DENND4C: variants seen among roughly 807,000 people sequenced by gnomAD.
The protein encoded by DENND4C is DENN domain containing 4C.
In DENND4C, 108 loss-of-function variants were observed where a neutral mutation model predicts 203.0. The observed-to-expected ratio is 0.53, with a 90% CI of 0.46 to 0.62. DENND4C has a LOEUF of 0.62. Among genes scored for constraint, DENND4C ranks in the 20% least tolerant of loss-of-function variants. The probability of loss-of-function intolerance (pLI) is 0.00; values close to 1 mark genes in which losing one functional copy is unlikely to be tolerated. For synonymous variants in DENND4C, 871 were observed against 792.4 expected (o/e 1.10, Z -1.67); for missense variants, 2,481 against 2,301.2 (o/e 1.08, Z -1.60).
chr9:19,360,158 TAGAG>T (rs1287407621), intron 28 of DENND4C, 82 bp from the exon 29 acceptor site: 5 of 1,342,660 alleles, frequency 3.7e-6, no homozygotes, highest in Non-Finnish European at 5.2e-6. Context: ...TTAAAAAGGA[TAGAG>T]AGGCATTATC....
chr9:19,257,355 CAAA>C (rs71335406), intron 1 of DENND4C, among the ~76,000 whole-genome samples: 2 of 93,664 alleles, frequency 2.1e-5, no homozygotes. Flanking sequence ...CACTCTGTCT[CAAA>C]AAAAAAAAAA....
At chr9:19,235,141 T>C (rs1488676119) in intron 1 of DENND4C, among the ~76,000 whole-genome samples, 1 of 152,066 alleles carries the variant, frequency 6.6e-6, no homozygotes, top group African/African-American at 2.4e-5. Flanking sequence ...ATTTTTGTAT[T>C]TTTAGTAGAG....
intron 15 of DENND4C, among the ~76,000 whole-genome samples, chr9:19,327,217 G>A (rs747789991): frequency 1.3e-5 from 2 of 152,002 alleles, no homozygotes; most frequent in African/African-American, 2.4e-5. Context: ...ATGGAAAGGC[G>A]CTATATTCTG....
At chr9:19,295,527 TAGCC>T (rs1434485387) in intron 5 of DENND4C, among the ~76,000 whole-genome samples, 2 of 150,358 alleles carry the variant, frequency 1.3e-5, no homozygotes, top group Non-Finnish European at 3.0e-5. Context: ...AAAAAAAAAT[TAGCC>T]AGGTGTGGTG....
chr9:19,260,587 G>A (rs1240886090), intron 1 of DENND4C, among the ~76,000 whole-genome samples: 2 of 151,968 alleles, frequency 1.3e-5, no homozygotes, highest in African/African-American at 2.4e-5. Flanking sequence ...TAGTAGAGAC[G>A]GGGTTTCATT....
intron 20 of DENND4C, among the ~76,000 whole-genome samples, chr9:19,338,564 C>T (rs756298706): frequency 6.6e-6 from 1 of 152,120 alleles, no homozygotes; most frequent in South Asian, 2.1e-4. Context: ...CTGGCGATGC[C>T]ATTTGATGCT....
intron 1 of DENND4C, among the ~76,000 whole-genome samples, chr9:19,272,844 T>G (rs1467306867): frequency 1.3e-5 from 2 of 152,042 alleles, no homozygotes. Context: ...CTTGGCTCAC[T>G]GCAGCCTCTG....
intron 1 of DENND4C, among the ~76,000 whole-genome samples, chr9:19,232,676 T>C (rs1820878615): frequency 6.6e-6 from 1 of 152,200 alleles, no homozygotes; most frequent in African/African-American, 2.4e-5. Flanking sequence ...GTGTGGAGAC[T>C]ATTCTTAAAA....
intron 1 of DENND4C, among the ~76,000 whole-genome samples, chr9:19,243,747 G>C (rs771881388): frequency 1.3e-5 from 2 of 152,146 alleles, no homozygotes; most frequent in Non-Finnish European, 2.9e-5. Flanking sequence ...TGACTTGATA[G>C]GCATTTACAT....
intron 1 of DENND4C, among the ~76,000 whole-genome samples, chr9:19,234,041 C>T (rs1821250255): frequency 2.0e-5 from 3 of 152,094 alleles, no homozygotes; most frequent in Admixed American, 1.3e-4. Context: ...CCTGTCTGTG[C>T]TTGTGTATAA....
chr9:19,359,619 C>G (rs73418046), intron 28 of DENND4C, among the ~76,000 whole-genome samples: 2,748 of 151,760 alleles, frequency 0.018, 52 homozygotes, highest in African/African-American at 0.026. Context: ...CTGTGGGTCC[C>G]TTTAGAGGGA....
At chr9:19,299,181 G>A in intron 7 of DENND4C, 48 bp from the exon 8 acceptor site, 1 of 1,386,794 alleles carries the variant, frequency 7.2e-7, no homozygotes, top group Non-Finnish European at 9.7e-7. Flanking sequence ...TTATCTCTTG[G>A]TTTGGTTAAT....
At position 19,251,658 on chromosome 9, in the gene DENND4C, G is replaced by A. The variant is rs7468534; in HGVS notation, c.-18+20825G>A. ...ACCCAAGTCACTTCTTGAAAGCTTT[G>A]CTGCTTAGAAATTTCTTCTGCCAGA... On this transcript the variant is annotated intron_variant, in intron 1 of 32. Transcript: ENST00000434457. Among the ~76,000 whole-genome samples the A allele has an allele frequency of 1.4e-3, 207 of 152,278 alleles. 2 individuals are homozygous for A. Among genetic ancestry groups the A allele is most frequent in the African/African-American group, 4.6e-3 (192 of 41,566 alleles).
intron 26 of DENND4C, among the ~76,000 whole-genome samples, chr9:19,353,466 A>G (rs1824641071): frequency 6.6e-6 from 1 of 152,018 alleles, no homozygotes; most frequent in African/African-American, 2.4e-5. Context: ...TGTCTCTACT[A>G]AAATACAAAA....
intron 22 of DENND4C, among the ~76,000 whole-genome samples, chr9:19,343,548 GTTCTTA>G (rs1397579368): frequency 6.6e-6 from 1 of 152,192 alleles, no homozygotes; most frequent in African/African-American, 2.4e-5. Context: ...AGTACTCCTT[GTTCTTA>G]AAGTCTTTTC....
chr9:19,252,744 C>CT (rs201231674), intron 1 of DENND4C, among the ~76,000 whole-genome samples: 55 of 141,064 alleles, frequency 3.9e-4, no homozygotes, highest in African/African-American at 1.0e-3. Flanking sequence ...CACACACATA[C>CT]TTTTTTTTTT....
At chr9:19,309,126 C>G (rs570593612) in intron 10 of DENND4C, among the ~76,000 whole-genome samples, 8 of 151,996 alleles carry the variant, frequency 5.3e-5, no homozygotes, top group South Asian at 2.1e-4. Context: ...TAAAAATATT[C>G]TAAAATTGCT....
intron 12 of DENND4C, among the ~76,000 whole-genome samples, chr9:19,318,298 G>A (rs1451132426): frequency 2.0e-5 from 3 of 151,778 alleles, no homozygotes; most frequent in Admixed American, 6.6e-5. Context: ...CAGCCTGGGC[G>A]ACAAGAGTGA....
rs1462183514 is a variant in DENND4C at position 19,253,316 on chromosome 9, AAT to A, written c.-18+22486_-18+22487del. On this transcript the variant is annotated intron_variant, in intron 1 of 32. Transcript: ENST00000434457. ...ATTCTCTCTAGTTCCCACAACTCTT[AAT>A]ATCATGCCCAACGCCTTTTAGGCAT... Among the ~76,000 whole-genome samples, 4 of 152,228 alleles carry A rather than the reference AAT, an allele frequency of 2.6e-5. No individual in the cohort carries two copies. The East Asian group carries it at 7.7e-4, about 29-fold the overall frequency.
Sources: gnomAD v4.1 joint callset for allele counts (sites outside exome capture counted in the v4.1 genomes callset) on GRCh38, gnomAD v4.1.1 for gene constraint, MANE v1.5 for transcripts, NCBI Gene and HGNC (gene_info 2026-07-23, HGNC 2026-07-21) for gene names.